The following FOXP1 variants were observed in gnomAD, a reference collection of about 807,000 sequenced individuals.
The protein encoded by FOXP1 is forkhead box protein P1.
A neutral mutation model predicts 98.2 loss-of-function variants in FOXP1; 15 were observed. The ratio of observed to expected loss-of-function variants is 0.15; its 90% CI spans 0.10 to 0.24. The LOEUF (loss-of-function observed/expected upper bound fraction) is 0.24. FOXP1 is among the 10% of genes least tolerant of loss of function. The pLI, the probability that FOXP1 is intolerant of heterozygous loss-of-function variation, is 1.00. For missense variants in FOXP1, 633 were observed against 848.5 expected, an observed-to-expected ratio of 0.75 and a Z score of 3.15; for synonymous variants, 371 against 314.5, an observed-to-expected ratio of 1.18 and a Z score of -1.90.
intron 5 of FOXP1, among the ~76,000 whole-genome samples, chr3:71,240,968 T>C (rs2067225622): frequency 6.6e-6 from 1 of 151,596 alleles, no homozygotes; most frequent in East Asian, 2.0e-4. Flanking sequence ...CCCAGCACTT[T>C]GGGAGGCTTA....
intron 18 of FOXP1, chr3:70,971,620 T>C (rs2036268260): frequency 6.2e-6 from 1 of 161,574 alleles, no homozygotes. Flanking sequence ...CTTCATTACA[T>C]TTGTATTATT....
intron 4 of FOXP1, among the ~76,000 whole-genome samples, chr3:71,305,276 G>A (rs11718210): frequency 0.11 from 16,461 of 152,194 alleles, 1,091 homozygotes; most frequent in Non-Finnish European, 0.15. Flanking sequence ...ATGCCATTAT[G>A]CACACTGAGC....
At chr3:71,580,156 GTTTAC>G (rs1021532255) in intron 2 of FOXP1, among the ~76,000 whole-genome samples, 4 of 125,962 alleles carry the variant, frequency 3.2e-5, no homozygotes, top group Non-Finnish European at 6.5e-5. Context: ...GTTGGAGGCT[GTTTAC>G]TTTACTTTTC....
chr3:71,139,640 C>T (rs2107986319), intron 6 of FOXP1, among the ~76,000 whole-genome samples: 1 of 148,648 alleles, frequency 6.7e-6, no homozygotes, highest in South Asian at 2.1e-4. Context: ...CCACTGACTT[C>T]TGTTCCTCGG....
At chr3:71,106,921 C>T (rs13434072) in intron 7 of FOXP1, among the ~76,000 whole-genome samples, 11,406 of 151,708 alleles carry the variant, frequency 0.075, 1,289 homozygotes, top group African/African-American at 0.25. Context: ...CTACAGGCAC[C>T]GGGCCCGGCT....
intron 4 of FOXP1, among the ~76,000 whole-genome samples, chr3:71,352,292 C>A (rs1166840252): frequency 6.6e-6 from 1 of 151,806 alleles, no homozygotes; most frequent in Non-Finnish European, 1.5e-5. Context: ...ATGGCAAAAT[C>A]CTGTCTCTAC....
intron 6 of FOXP1, among the ~76,000 whole-genome samples, chr3:71,137,523 T>A (rs2059877515): frequency 6.6e-6 from 1 of 152,168 alleles, no homozygotes; most frequent in Non-Finnish European, 1.5e-5. Context: ...GCTGGAGAAA[T>A]GCCTGTTCTG....
chr3:71,063,302 A>G lies in FOXP1; in HGVS notation c.283-9529T>C, dbSNP rs569233266. On this transcript the variant is annotated intron_variant, in intron 7 of 20. Coordinates refer to ENST00000649528, the MANE Select transcript of FOXP1 (RefSeq NM_001349338.3). ...TTAGGACAACGTGCTTCTGTCTTCA[A>G]TTGATTTACTTAGTGGTCAATCTTA... is the stretch of plus-strand genomic sequence containing the variant. 3.9e-5 allele frequency among the ~76,000 whole-genome samples: 6 copies of G among 152,382 alleles called. No homozygotes were observed. The South Asian group carries it at 6.2e-4, about 16-fold the overall frequency.
intron 3 of FOXP1, among the ~76,000 whole-genome samples, chr3:71,447,150 C>A (rs1269531922): frequency 6.6e-6 from 1 of 152,214 alleles, no homozygotes; most frequent in East Asian, 1.9e-4. Context: ...TAAATAAATG[C>A]CAGTGATCAT....
intron 9 of FOXP1, 51 bp downstream of exon 9, chr3:71,052,486 G>A: frequency 1.1e-6 from 1 of 872,150 alleles, no homozygotes; most frequent in Non-Finnish European, 2.0e-6. Context: ...ATAGCCACTA[G>A]ATAGTCCTCT....
rs990502488 is a variant in FOXP1 at position 71,433,444 on chromosome 3, G to A, written c.-168+59982C>T. Among the ~76,000 whole-genome samples, 17 of 152,182 alleles carry A rather than the reference G, an allele frequency of 1.1e-4. No individual in the cohort carries two copies. The South Asian group carries it at 1.7e-3, about 15-fold the overall frequency. On this transcript the variant is annotated intron_variant, in intron 3 of 20. Coordinates refer to ENST00000649528, the MANE Select transcript of FOXP1 (RefSeq NM_001349338.3). ...CAATTGATCAGGGAAACAACTTTAC[G>A]GGTTCAACCATGAGAAATAAAAACA... is the stretch of plus-strand genomic sequence containing the variant.
intron 3 of FOXP1, among the ~76,000 whole-genome samples, chr3:71,492,127 G>A (rs191563820): frequency 6.6e-6 from 1 of 152,202 alleles, no homozygotes; most frequent in Non-Finnish European, 1.5e-5. Flanking sequence ...TGATAGGATA[G>A]GATCCTCTAA....
At chr3:71,016,084 T>C (rs141488837) in intron 11 of FOXP1, among the ~76,000 whole-genome samples, 3 of 152,318 alleles carry the variant, frequency 2.0e-5, no homozygotes, top group African/African-American at 7.2e-5. Flanking sequence ...ACTGCTTTCA[T>C]ATAATCACAT....
intron 2 of FOXP1, among the ~76,000 whole-genome samples, chr3:71,577,438 C>T (rs534741137): frequency 3.4e-4 from 51 of 151,008 alleles, no homozygotes; most frequent in African/African-American, 1.2e-3. Context: ...ACAAACGTCC[C>T]AGGAAAAAAA....
chr3:71,374,548 G>A (rs565919140), intron 3 of FOXP1, among the ~76,000 whole-genome samples: 173 of 151,876 alleles, frequency 1.1e-3, no homozygotes, highest in South Asian at 4.2e-3. Flanking sequence ...AGCCAAGAGT[G>A]CGCCACTAAA....
intron 3 of FOXP1, among the ~76,000 whole-genome samples, chr3:71,379,629 G>A (rs953001691): frequency 3.3e-5 from 5 of 151,952 alleles, no homozygotes; most frequent in African/African-American, 1.2e-4. Flanking sequence ...ATCTAAAGAA[G>A]AGGCAATATT....
chr3:71,107,549 C>G (rs1042197332), intron 7 of FOXP1, among the ~76,000 whole-genome samples: 1 of 151,936 alleles, frequency 6.6e-6, no homozygotes, highest in African/African-American at 2.4e-5. Context: ...AATTTCAATG[C>G]TTTGTATCAA....
intron 6 of FOXP1, among the ~76,000 whole-genome samples, chr3:71,166,705 C>T (rs1303079618): frequency 6.6e-6 from 1 of 152,200 alleles, no homozygotes; most frequent in East Asian, 1.9e-4. Flanking sequence ...AAGATGACTG[C>T]TGCAAAATAA....
chr3:71,025,249 C>T (rs941090489), intron 11 of FOXP1, among the ~76,000 whole-genome samples: 6 of 152,094 alleles, frequency 3.9e-5, no homozygotes, highest in Non-Finnish European at 5.9e-5. Context: ...GGGCATACAA[C>T]CTTCCTTTCC....
Sources: allele counts gnomAD v4.1 joint callset (sites outside exome capture counted in the v4.1 genomes callset), GRCh38; gene constraint gnomAD v4.1.1; transcripts MANE v1.5; gene names NCBI Gene and HGNC (gene_info 2026-07-23, HGNC 2026-07-21).